VWA5B1: variants seen among roughly 807,000 people sequenced by gnomAD.
VWA5B1 encodes von Willebrand factor A domain-containing protein 5B1.
VWA5B1 carries 115 observed loss-of-function variants against 118.2 expected under a neutral mutation model. The ratio of observed to expected loss-of-function variants is 0.97; its 90% CI spans 0.84 to 1.14. The LOEUF is 1.14. VWA5B1 is among the 50% of genes most tolerant of loss of function. The pLI, the probability that VWA5B1 is intolerant of heterozygous loss-of-function variation, is 0.00. For missense variants in VWA5B1, 1,596 were observed against 1,603.8 expected (o/e 1.00, Z 0.08); for synonymous variants, 682 against 658.4 (o/e 1.04, Z -0.55).
chr1:20,293,902 G>C (rs903324321), intron 1 of VWA5B1, among the ~76,000 whole-genome samples: 3 of 152,198 alleles, frequency 2.0e-5, no homozygotes, highest in Non-Finnish European at 4.4e-5. Context: ...GGTGGACAGA[G>C]AGGAGCAGGG....
chr1:20,318,554 G>T, intron 5 of VWA5B1, 36 bp from the exon 6 acceptor site: 1 of 1,550,292 alleles, frequency 6.5e-7, no homozygotes, highest in East Asian at 2.4e-5. Context: ...CTGACCTCAT[G>T]AGCCTATATC....
At position 20,330,387 on chromosome 1, in the gene VWA5B1, G is replaced by C; in HGVS notation, c.1457+5G>C. The C allele has an allele frequency of 6.4e-7, 1 of 1,551,614 alleles. No individual in the cohort carries two copies. The highest frequency in any genetic ancestry group is 2.4e-5 in the East Asian group (1 of 40,922). On this transcript the variant is annotated splice_donor_5th_base_variant and intron_variant, in intron 10 of 21. Coordinates refer to ENST00000289815, the MANE Select transcript of VWA5B1 (RefSeq NM_001039500.3). ...AAATCACGCCTTCTCCACCAGGTCG[G>C]CCTTGGCTGAGGGTCTAGGCTCGGT...
intron 16 of VWA5B1, among the ~76,000 whole-genome samples, chr1:20,344,986 G>A (rs1274469045): frequency 6.6e-6 from 1 of 152,112 alleles, no homozygotes; most frequent in Non-Finnish European, 1.5e-5. Flanking sequence ...CTAACTTGCT[G>A]TGTGACCCTC....
intron 1 of VWA5B1, among the ~76,000 whole-genome samples, chr1:20,302,192 C>T (rs1238221089): frequency 6.6e-6 from 1 of 152,118 alleles, no homozygotes; most frequent in African/African-American, 2.4e-5. Flanking sequence ...AGTGTGAGGA[C>T]ATAAAGCACC....
intron 7 of VWA5B1, among the ~76,000 whole-genome samples, 158 bp downstream of exon 7, chr1:20,319,664 C>T (rs1371966798): frequency 3.9e-5 from 6 of 152,154 alleles, no homozygotes; most frequent in African/African-American, 1.2e-4. Context: ...TCTGTGGGCC[C>T]CCGGGCACTG....
At position 20,345,467 on chromosome 1, in the gene VWA5B1, C is replaced by T. The variant is rs899958776; in HGVS notation, c.2638C>T (p.Arg880Cys). The T allele has an allele frequency of 5.8e-6, 9 of 1,551,062 alleles. No homozygotes were observed. Among genetic ancestry groups the T allele is most frequent in the African/African-American group, 1.4e-5 (1 of 73,042 alleles). Residue 880 changes from arginine (R) to cysteine (C), a missense_variant, in exon 17 of 22, where the codon CGC becomes TGC. Physicochemically the swap from Arg to Cys is radical, Grantham distance 180 (BLOSUM62 -3). Transcript: ENST00000289815. ...TTCTCCCTCCACAGGGTCCAACCGC[C>T]GCTACCAAGTGAGCGCCTTGCACAC... ...EGEIEQGSNR[R>C]YQVSALHTSK...
At chr1:20,304,239 G>T (rs10799627) in intron 1 of VWA5B1, among the ~76,000 whole-genome samples, 2 of 152,072 alleles carry the variant, frequency 1.3e-5, no homozygotes, top group South Asian at 2.1e-4. Flanking sequence ...ATGCAAGCCC[G>T]GAGGAGAGCG....
chr1:20,306,760 C>T (rs978702897), intron 1 of VWA5B1, among the ~76,000 whole-genome samples: 7 of 152,298 alleles, frequency 4.6e-5, no homozygotes, highest in South Asian at 2.1e-4. Context: ...TGGTATTTAA[C>T]AGGCACACCA....
intron 1 of VWA5B1, among the ~76,000 whole-genome samples, chr1:20,308,764 G>C (rs947117464): frequency 6.6e-6 from 1 of 152,192 alleles, no homozygotes; most frequent in South Asian, 2.1e-4. Flanking sequence ...AAAAGCCACT[G>C]CTGGCCTGGC....
In VWA5B1 at chr1:20,323,368, C is replaced by A; in HGVS notation, c.979C>A (p.Arg327=). The change falls in exon 8 of 22, where the codon CGA becomes AGA. Residue 327 remains arginine, a synonymous_variant. Transcript: ENST00000289815. ...TTTCCTCTTCCAGACAGAAATCATT[C>A]GAAAACGCCTCCACAAAGACATTCC... ...SRAERKTEII[R]KRLHKDIPHH... is the part of the protein sequence containing the mutation. 2.7e-6 allele frequency: 4 copies of A among 1,483,094 alleles called. No individual in the cohort carries two copies. Among genetic ancestry groups the A allele is most frequent in the Non-Finnish European group, 3.6e-6 (4 of 1,114,930 alleles). 91.9% of individuals were successfully genotyped at this position (1,483,094 alleles called of 1,614,324 possible).
intron 1 of VWA5B1, among the ~76,000 whole-genome samples, chr1:20,291,491 G>C (rs2088304658): frequency 7.6e-6 from 1 of 131,992 alleles, no homozygotes; most frequent in Non-Finnish European, 1.6e-5. Context: ...GTGTGAGTCT[G>C]CGTCTCCTTC....
intron 8 of VWA5B1, among the ~76,000 whole-genome samples, chr1:20,325,855 TG>T (rs2089363621): frequency 6.6e-6 from 1 of 152,208 alleles, no homozygotes; most frequent in South Asian, 2.1e-4. Context: ...GAAGGTTGCT[TG>T]GGTCCTTAAT....
At position 20,357,831 on chromosome 1, in the gene VWA5B1, C is replaced by T. The variant is rs991778407; in HGVS notation, c.*3568C>T. On this transcript the variant is annotated 3_prime_UTR_variant, in exon 22 of 22. Transcript: ENST00000289815. ...GGCCAGCCCCCTGAGCTTTCAGGCT[C>T]TCATTTATGGTATGGGTACAGATGA... Among the ~76,000 whole-genome samples, 1 of 152,184 alleles carries T rather than the reference C, an allele frequency of 6.6e-6. No individual in the cohort carries two copies. Among genetic ancestry groups the T allele is most frequent in the Non-Finnish European group, 1.5e-5 (1 of 68,034 alleles).
intron 7 of VWA5B1, among the ~76,000 whole-genome samples, chr1:20,321,113 C>CAA (rs4062863): frequency 0.13 from 12,416 of 94,072 alleles, 1,670 homozygotes; most frequent in East Asian, 0.54. Context: ...GTAACAGAGG[C>CAA]AAAAAAAAAA....
intron 20 of VWA5B1, 56 bp from the exon 21 acceptor site, chr1:20,351,999 T>A: frequency 7.1e-7 from 1 of 1,408,550 alleles, no homozygotes; most frequent in Non-Finnish European, 9.7e-7. Context: ...TTCAGGGGCT[T>A]CTGGGTGGGC....
chr1:20,332,762 A>G lies in VWA5B1; in HGVS notation c.1573-4A>G, dbSNP rs1476479160. ...CCCAACTGCATTCTGACCCTGCCCTACAGATGGTCAAATCCTTGAAGAAGG... is the reference window on the plus strand; with the variant it reads ...CCCAACTGCATTCTGACCCTGCCCTGCAGATGGTCAAATCCTTGAAGAAGG... On this transcript the variant is annotated splice_polypyrimidine_tract_variant and splice_region_variant and intron_variant, in intron 11 of 21. Coordinates refer to ENST00000289815, the MANE Select transcript of VWA5B1 (RefSeq NM_001039500.3). The G allele has an allele frequency of 1.9e-6, 3 of 1,551,296 alleles. No individual in the cohort carries two copies. The highest frequency in any genetic ancestry group is 3.9e-5 in the Admixed American group (2 of 50,974).
In VWA5B1 at chr1:20,325,495, G is replaced by T. The variant is rs139284226; in HGVS notation, c.1143+1963G>T. ...AATTGGTCATGACATTTTTTTTCCT[G>T]CTGAGCCTGGACTCAGTCTATATCC... On this transcript the variant is annotated intron_variant, in intron 8 of 21. Transcript: ENST00000289815. Among the ~76,000 whole-genome samples, 363 of 152,142 alleles carry T rather than the reference G, an allele frequency of 2.4e-3. 1 individual carries two copies. The highest frequency in any genetic ancestry group is 8.1e-3 in the African/African-American group (336 of 41,492).
rs2090208027 is a variant in VWA5B1 at position 20,355,192 on chromosome 1, C to T, written c.*929C>T. 6.6e-6 allele frequency among the ~76,000 whole-genome samples: 1 copy of T among 152,202 alleles called. No individual in the cohort carries two copies. Among genetic ancestry groups the T allele is most frequent in the South Asian group, 2.1e-4 (1 of 4,836 alleles). ...CACCAAGTAGGTCGCACCATGGGAT[C>T]AGGGGGTCCTCTGGAGCCATGCCAC... On this transcript the variant is annotated 3_prime_UTR_variant, in exon 22 of 22. Coordinates refer to ENST00000289815, the MANE Select transcript of VWA5B1 (RefSeq NM_001039500.3).
At chr1:20,348,395 A>T in intron 18 of VWA5B1, 37 bp downstream of exon 18, 1 of 1,548,024 alleles carries the variant, frequency 6.5e-7, no homozygotes, top group Non-Finnish European at 8.7e-7. Flanking sequence ...CACCCTGGGC[A>T]CTTTCGGAAG....
Sources: allele counts gnomAD v4.1 joint callset (sites outside exome capture counted in the v4.1 genomes callset), GRCh38; gene constraint gnomAD v4.1.1; transcripts MANE v1.5; gene names NCBI Gene and HGNC (gene_info 2026-07-23, HGNC 2026-07-21).